The following ANKRD18A variants were observed in gnomAD, a reference collection of about 807,000 sequenced individuals.
ANKRD18A encodes the protein ankyrin repeat domain-containing protein 18A.
ANKRD18A carries 72 observed loss-of-function variants against 110.6 expected under a neutral mutation model. The observed-to-expected ratio is 0.65, with a 90% CI of 0.54 to 0.79. ANKRD18A has a LOEUF of 0.79. Among genes scored for constraint, ANKRD18A ranks in the 30% least tolerant of loss-of-function variants. The probability of loss-of-function intolerance (pLI) is 0.00; values close to 1 mark genes in which losing one functional copy is unlikely to be tolerated. For missense variants in ANKRD18A, 934 were observed against 1,163.3 expected, an observed-to-expected ratio of 0.80 and a Z score of 2.87; for synonymous variants, 305 against 410.3, an observed-to-expected ratio of 0.74 and a Z score of 3.10.
At chr9:38,579,719 C>T (rs1486051966) in intron 12 of ANKRD18A, among the ~76,000 whole-genome samples, 1 of 152,170 alleles carries the variant, frequency 6.6e-6, no homozygotes, top group East Asian at 1.9e-4. Context: ...CTCTTACATG[C>T]TGTTCGTGGG....
chr9:38,605,605 C>G (rs1464140764), intron 6 of ANKRD18A, among the ~76,000 whole-genome samples: 1 of 152,018 alleles, frequency 6.6e-6, no homozygotes, highest in African/African-American at 2.4e-5. Context: ...TATCTCTTGC[C>G]TAATGGTAAC....
chr9:38,598,152 C>T (rs615700), intron 8 of ANKRD18A, among the ~76,000 whole-genome samples: 2 of 152,146 alleles, frequency 1.3e-5, no homozygotes, highest in African/African-American at 4.8e-5. Flanking sequence ...CTCCCACTGT[C>T]TTACCATTTT....
intron 3 of ANKRD18A, among the ~76,000 whole-genome samples, chr9:38,612,950 G>A (rs1240442621): frequency 6.6e-6 from 1 of 151,000 alleles, no homozygotes; most frequent in Admixed American, 6.6e-5. Flanking sequence ...ACTATTTGTG[G>A]TATAGATATA....
Position 38,595,582 on chromosome 9 carries a change from T to C in ANKRD18A, c.1758A>G (p.Glu586=), listed in dbSNP as rs1824839045. The change falls in exon 9 of 16, where the codon GAA becomes GAG. Residue 586 remains glutamate, a synonymous_variant. Coordinates refer to ENST00000399703, the MANE Select transcript of ANKRD18A (RefSeq NM_147195.4). ...CCTTATTTCTTTCTTCTAGAAGATC[T>C]TCCTTTCCATTCTCAAGACAGTCTC... The part of the protein sequence containing the change: ...IHRDCLENGK[E]DLLEERNKEL... The C allele has an allele frequency of 6.5e-7, 1 of 1,549,618 alleles. No homozygotes were observed. The highest frequency in any genetic ancestry group is 8.7e-7 in the Non-Finnish European group (1 of 1,146,194).
intron 12 of ANKRD18A, among the ~76,000 whole-genome samples, chr9:38,579,868 C>CA (rs2118673317): frequency 1.3e-5 from 2 of 152,328 alleles, no homozygotes; most frequent in African/African-American, 4.8e-5. Flanking sequence ...CACAAGGATA[C>CA]TTGTCCTCAT....
chr9:38,610,363 G>A lies in ANKRD18A; in HGVS notation c.650C>T (p.Thr217Ile), dbSNP rs1825555841. ...ACGTATATTTTGTTGAAGCAGGAGG[G>A]TGACGATACTTGACAAGTTATGCTG... The part of the protein sequence containing the change: ...AVQHNLSSIV[T>I]LLLQQNIRIS... The change falls in exon 5 of 16, where the codon ACC becomes ATC. Residue 217 changes from threonine to isoleucine, a missense_variant. Transcript: ENST00000399703. 1.3e-6 allele frequency: 2 copies of A among 1,550,746 alleles called. No homozygotes were observed. The highest frequency in any genetic ancestry group is 1.7e-6 in the Non-Finnish European group (2 of 1,146,720).
chr9:38,568,953 T>C (rs1472772240), downstream of ANKRD18A: 7 of 985,290 alleles, frequency 7.1e-6, no homozygotes, highest in East Asian at 8.0e-4. Context: ...GGATGCCACG[T>C]TCACCCTTCC....
In ANKRD18A at chr9:38,620,144, C is replaced by A. The variant is rs1343085636; in HGVS notation, c.142G>T (p.Ala48Ser). The A allele has an allele frequency of 1.3e-6, 2 of 1,569,676 alleles. No individual in the cohort carries two copies. The highest frequency in any genetic ancestry group is 1.7e-4 in the Middle Eastern group (1 of 5,986). Reference sequence around the variant, plus strand: ...CGCGTCAGGCAGCGCTCCACCTCCGCGGCGTCGCCCTTGATGGCAGCCCTG... The same window carrying A: ...CGCGTCAGGCAGCGCTCCACCTCCGAGGCGTCGCCCTTGATGGCAGCCCTG... ...IHRAAIKGDA[A>S]EVERCLTRRF... Residue 48 changes from alanine to serine, a missense_variant, in exon 1 of 16, where the codon GCG (alanine) becomes TCG (serine). Ala to Ser is a moderately conservative substitution (Grantham distance 99). Around this residue, in one of 4 missense-constraint regions of ANKRD18A, gnomAD observed 630 missense variants for 797.5 expected, o/e 0.79. Transcript: ENST00000399703.
chr9:38,607,947 C>G (rs1825431898), intron 5 of ANKRD18A, among the ~76,000 whole-genome samples: 1 of 152,180 alleles, frequency 6.6e-6, no homozygotes, highest in Non-Finnish European at 1.5e-5. Context: ...AAAATTTATT[C>G]TTGAACTGCA....
intron 8 of ANKRD18A, among the ~76,000 whole-genome samples, chr9:38,598,282 A>G (rs1401472767): frequency 6.6e-6 from 1 of 152,210 alleles, no homozygotes; most frequent in Non-Finnish European, 1.5e-5. Context: ...TATATGGCCA[A>G]ATAATTTTCC....
chr9:38,568,119 C>T (rs1823523016), downstream of ANKRD18A: 1 of 152,618 alleles, frequency 6.6e-6, no homozygotes, highest in Non-Finnish European at 1.5e-5. Context: ...CACCCAGAAG[C>T]TGGCCATGTG....
chr9:38,589,395 C>T (rs1824533548), intron 10 of ANKRD18A, among the ~76,000 whole-genome samples: 1 of 152,332 alleles, frequency 6.6e-6, no homozygotes, highest in East Asian at 1.9e-4. Context: ...ACCTAGGTAA[C>T]AGACATCTGG....
intron 8 of ANKRD18A, among the ~76,000 whole-genome samples, chr9:38,599,302 G>A (rs543713847): frequency 1.2e-4 from 19 of 152,264 alleles, no homozygotes; most frequent in African/African-American, 3.4e-4. Flanking sequence ...CTCCAGGTGC[G>A]TCTGCTTCCT....
intron 3 of ANKRD18A, among the ~76,000 whole-genome samples, chr9:38,615,019 C>T (rs1464597222): frequency 1.3e-5 from 2 of 152,106 alleles, no homozygotes; most frequent in African/African-American, 4.8e-5. Context: ...AAATGATTAC[C>T]CCAAAGCTGA....
intron 1 of ANKRD18A, among the ~76,000 whole-genome samples, chr9:38,616,705 C>T (rs938561667): frequency 1.3e-5 from 2 of 152,184 alleles, no homozygotes; most frequent in African/African-American, 4.8e-5. Context: ...AACTTCCCAC[C>T]TCAGCCTTCC....
chr9:38,593,002 A>G (rs1824721185), intron 10 of ANKRD18A, among the ~76,000 whole-genome samples: 1 of 152,230 alleles, frequency 6.6e-6, no homozygotes, highest in African/African-American at 2.4e-5. Flanking sequence ...AAAATGTTCT[A>G]CCATTGATTA....
rs1404397033 is a variant in ANKRD18A at position 38,586,323 on chromosome 9, G to T, written c.2118-11C>A. The T allele has an allele frequency of 1.3e-6, 2 of 1,524,624 alleles. No individual in the cohort carries two copies. Among genetic ancestry groups the T allele is most frequent in the African/African-American group, 1.4e-5 (1 of 71,736 alleles). The allele number at this position is 1,524,624 out of a possible 1,614,324, so 94.4% of individuals were successfully genotyped here. A position where few individuals can be genotyped will look rare whatever the true frequency, so the allele number is the denominator to read the frequency against. On this transcript the variant is annotated splice_polypyrimidine_tract_variant and intron_variant, in intron 11 of 15. Transcript: ENST00000399703. ...AGGCATTTCTTATATCTGCAGAAATGTAAGAACTAGTAAGTCAAGTATTTT... is the reference window on the plus strand; with the variant it reads ...AGGCATTTCTTATATCTGCAGAAATTTAAGAACTAGTAAGTCAAGTATTTT...
At chr9:38,613,273 C>G (rs1248332813) in intron 3 of ANKRD18A, among the ~76,000 whole-genome samples, 2 of 151,512 alleles carry the variant, frequency 1.3e-5, no homozygotes, top group Non-Finnish European at 2.9e-5. Flanking sequence ...GTTTCTTAAG[C>G]CTGAGGTCCA....
intron 8 of ANKRD18A, among the ~76,000 whole-genome samples, chr9:38,597,909 A>T (rs1193483791): frequency 6.6e-6 from 1 of 152,190 alleles, no homozygotes; most frequent in Non-Finnish European, 1.5e-5. Flanking sequence ...TAAAAGTCTG[A>T]TTCAACAGAA....
Sources: gnomAD v4.1 joint callset for allele counts (sites outside exome capture counted in the v4.1 genomes callset) on GRCh38, gnomAD v4.1.1 for gene constraint, gnomAD v4.1.1 regional missense constraint, MANE v1.5 for transcripts, NCBI Gene and HGNC (gene_info 2026-07-23, HGNC 2026-07-21) for gene names.